Variants in MTMR3 observed in about 807,000 individuals in gnomAD.
MTMR3 encodes the protein phosphatidylinositol-3,5-bisphosphate 3-phosphatase MTMR3.
Under a neutral mutation model 132.4 loss-of-function variants are expected in MTMR3, and 32 were observed. The observed-to-expected ratio is 0.24, with a 90% CI of 0.18 to 0.32. The LOEUF is 0.32. Ranked by LOEUF, MTMR3 falls within the 10% of genes least tolerant of loss-of-function variation. The pLI is 1.00. For missense variants in MTMR3, 1,216 were observed against 1,489.6 expected, an observed-to-expected ratio of 0.82 and a Z score of 3.02; for synonymous variants, 556 against 550.3, an observed-to-expected ratio of 1.01 and a Z score of -0.14.
At chr22:29,988,625 C>A in intron 6 of MTMR3, 63 bp downstream of exon 6, 2 of 1,256,536 alleles carry the variant, frequency 1.6e-6, no homozygotes, top group South Asian at 1.4e-5. Context: ...AAGAATGGGT[C>A]CATTATTTGG....
Position 29,988,561 on chromosome 22 carries a change from A to C in MTMR3, c.292A>C (p.Arg98=). 1.2e-6 allele frequency: 2 copies of C among 1,607,676 alleles called. No homozygotes were observed. The highest frequency in any genetic ancestry group is 2.2e-5 in the South Asian group (2 of 90,582). ...GACTTGCAAAGACTGCAAAGTTATC[A>C]GGTATGTGGTATGGTATGTTTGTGT... ...HLTCKDCKVI[R]CQFSTFEQCQ... Residue 98 remains arginine, a splice_region_variant and synonymous_variant, in exon 6 of 20, where the codon AGG becomes CGG. Transcript: ENST00000401950.
intron 2 of MTMR3, among the ~76,000 whole-genome samples, chr22:29,965,551 G>A (rs2066398180): frequency 6.6e-6 from 1 of 152,134 alleles, no homozygotes; most frequent in Non-Finnish European, 1.5e-5. Context: ...CAGGCATGGT[G>A]GCATATGCCT....
At chr22:29,885,847 C>G (rs1301208321) in intron 1 of MTMR3, among the ~76,000 whole-genome samples, 3 of 152,124 alleles carry the variant, frequency 2.0e-5, no homozygotes, top group Admixed American at 2.0e-4. Flanking sequence ...ATGCTGTTAC[C>G]AAAGGAAGTA....
chr22:29,893,402 T>C (rs1220271590), intron 1 of MTMR3, among the ~76,000 whole-genome samples: 1 of 152,206 alleles, frequency 6.6e-6, no homozygotes, highest in Non-Finnish European at 1.5e-5. Context: ...TTTAGTAGGC[T>C]GCTATTTATA....
intron 1 of MTMR3, among the ~76,000 whole-genome samples, chr22:29,938,313 AT>A (rs1158388202): frequency 6.6e-6 from 1 of 152,204 alleles, no homozygotes; most frequent in African/African-American, 2.4e-5. Context: ...TCTCTTGAGT[AT>A]ACCCACACCC....
chr22:29,890,878 G>A (rs145708334), intron 1 of MTMR3, among the ~76,000 whole-genome samples: 104 of 152,200 alleles, frequency 6.8e-4, no homozygotes, highest in African/African-American at 2.1e-3. Flanking sequence ...AAGCAGGTGC[G>A]GTACATGGTT....
intron 1 of MTMR3, among the ~76,000 whole-genome samples, chr22:29,928,914 A>C (rs1316508436): frequency 6.6e-6 from 1 of 152,248 alleles, no homozygotes; most frequent in Non-Finnish European, 1.5e-5. Flanking sequence ...ACGTAGTAGT[A>C]GTCGTAGTAT....
rs2067787084 is a variant in MTMR3 at position 30,022,441 on chromosome 22, G to A, written c.3337-168G>A. 13 of 652,260 alleles carry A rather than the reference G, an allele frequency of 2.0e-5. No homozygotes were observed. In the South Asian group the frequency reaches 2.2e-4, roughly 11 times the overall value. 40.4% of individuals were successfully genotyped at this position (652,260 alleles called of 1,614,324 possible). On this transcript the variant is annotated intron_variant, in intron 18 of 19. Coordinates refer to ENST00000401950, the MANE Select transcript of MTMR3 (RefSeq NM_021090.4). The stretch of plus-strand genomic sequence containing the variant: ...TCAGGGGAGATTGGAGTCCCCTCCA[G>A]GGAAACGATTTGGACGCCTTTCTTG...
At chr22:29,938,479 G>A (rs2065793957) in intron 1 of MTMR3, among the ~76,000 whole-genome samples, 3 of 152,158 alleles carry the variant, frequency 2.0e-5, no homozygotes, top group South Asian at 4.1e-4. Context: ...CCCCCAGCCC[G>A]CTGGTATTCA....
intron 16 of MTMR3, 70 bp downstream of exon 16, chr22:30,018,142 G>T: frequency 6.8e-7 from 1 of 1,464,014 alleles, no homozygotes; most frequent in Non-Finnish European, 9.1e-7. Flanking sequence ...ACGTGTGCAG[G>T]GATGGTCAGA....
chr22:29,943,823 T>TTTTC lies in MTMR3; in HGVS notation c.-137-13198_-137-13195dup, dbSNP rs1555901590. On this transcript the variant is annotated intron_variant, in intron 1 of 19. Coordinates refer to ENST00000401950, the MANE Select transcript of MTMR3 (RefSeq NM_021090.4). ...GCTCCTTCATGTGGACAACTTTTTT[T>TTTTC]TTTCTTTCTTTCTTTCTTGAGACAA... Among the ~76,000 whole-genome samples the TTTTC allele has an allele frequency of 2.1e-4, 29 of 140,244 alleles. 1 individual carries two copies. Among genetic ancestry groups the TTTTC allele is most frequent in the African/African-American group, 3.2e-4 (12 of 37,108 alleles). 92.0% of individuals were successfully genotyped at this position (140,244 alleles called of 152,430 possible).
At chr22:29,977,201 A>C (rs1385174063) in intron 3 of MTMR3, among the ~76,000 whole-genome samples, 2 of 152,116 alleles carry the variant, frequency 1.3e-5, no homozygotes, top group Non-Finnish European at 2.9e-5. Flanking sequence ...CTGAGGCTGG[A>C]GGATCACTTG....
At chr22:29,902,211 A>T (rs1334773050) in intron 1 of MTMR3, among the ~76,000 whole-genome samples, 1 of 152,176 alleles carries the variant, frequency 6.6e-6, no homozygotes, top group African/African-American at 2.4e-5. Flanking sequence ...ATAATCTTAT[A>T]ATATAAACTG....
intron 1 of MTMR3, among the ~76,000 whole-genome samples, chr22:29,944,754 A>T (rs2145818999): frequency 6.6e-6 from 1 of 152,334 alleles, no homozygotes; most frequent in South Asian, 2.1e-4. Context: ...TTTGCAGTAG[A>T]TCTTTACAAA....
At position 30,027,411 on chromosome 22, in the gene MTMR3, C is replaced by T. The variant is rs2067932014; in HGVS notation, c.*1610C>T. ...AGAAGGCTTCCCTGGTGCTCTCAGT[C>T]CAGGCAAAGCCCAGAGCATCTGAGC... is the stretch of plus-strand genomic sequence containing the variant. On this transcript the variant is annotated 3_prime_UTR_variant, in exon 20 of 20. Transcript: ENST00000401950. 2 of 152,802 alleles carry T rather than the reference C, an allele frequency of 1.3e-5. No homozygotes were observed. The highest frequency in any genetic ancestry group is 4.8e-5 in the African/African-American group (2 of 41,452). The allele number at this position is 152,802 out of a possible 1,614,324, so 9.5% of individuals were successfully genotyped here.
intron 2 of MTMR3, among the ~76,000 whole-genome samples, chr22:29,970,585 G>A (rs2145871220): frequency 7.3e-6 from 1 of 137,184 alleles, no homozygotes; most frequent in Non-Finnish European, 1.5e-5. Flanking sequence ...CAGGCTATCT[G>A]CCTCAGCCTT....
intron 1 of MTMR3, among the ~76,000 whole-genome samples, chr22:29,926,871 A>C (rs1410097635): frequency 6.6e-6 from 1 of 152,168 alleles, no homozygotes; most frequent in Admixed American, 6.5e-5. Context: ...TTCTTTAGCC[A>C]CTAAATGCTT....
intron 1 of MTMR3, among the ~76,000 whole-genome samples, chr22:29,942,463 C>G (rs557739938): frequency 2.0e-5 from 3 of 152,156 alleles, no homozygotes; most frequent in Non-Finnish European, 4.4e-5. Flanking sequence ...TTGATAACAT[C>G]TTATCAGGAG....
intron 14 of MTMR3, chr22:30,014,407 C>T (rs1449332408): frequency 6.6e-6 from 1 of 152,254 alleles, no homozygotes; most frequent in Non-Finnish European, 1.5e-5. Flanking sequence ...TACTTCCTTG[C>T]AGTTGACTTC....
Sources: allele counts gnomAD v4.1 joint callset (sites outside exome capture counted in the v4.1 genomes callset), GRCh38; gene constraint gnomAD v4.1.1; transcripts MANE v1.5; gene names NCBI Gene and HGNC (gene_info 2026-07-23, HGNC 2026-07-21).